The following NRXN3 variants were observed in gnomAD, a reference collection of about 807,000 sequenced individuals.
NRXN3 encodes neurexin 3.
Under a neutral mutation model 137.6 loss-of-function variants are expected in NRXN3, and 32 were observed. The observed-to-expected ratio is 0.23, with a 90% CI of 0.18 to 0.31. NRXN3 has a LOEUF of 0.31. Ranked by LOEUF, NRXN3 falls within the 10% of genes least tolerant of loss-of-function variation. The pLI, the probability that NRXN3 is intolerant of heterozygous loss-of-function variation, is 1.00. For missense variants in NRXN3, 1,574 were observed against 2,062.5 expected (o/e 0.76, Z 4.59); for synonymous variants, 798 against 784.5 (o/e 1.02, Z -0.29).
intron 16 of NRXN3, among the ~76,000 whole-genome samples, chr14:79,623,617 A>G (rs2098248330): frequency 6.6e-6 from 1 of 152,236 alleles, no homozygotes. Context: ...GCAACTTTAC[A>G]TATTTTCCAG....
At chr14:78,632,076 T>C (rs925983272) in intron 4 of NRXN3, among the ~76,000 whole-genome samples, 1 of 146,900 alleles carries the variant, frequency 6.8e-6, no homozygotes. Flanking sequence ...ATCGCGCCAC[T>C]GCACTCCAGC....
At chr14:78,529,794 A>G (rs1311682378) in intron 4 of NRXN3, among the ~76,000 whole-genome samples, 2 of 152,154 alleles carry the variant, frequency 1.3e-5, no homozygotes, top group Non-Finnish European at 2.9e-5. Flanking sequence ...ATGCTGGGCC[A>G]TCTCATCCCC....
intron 19 of NRXN3, among the ~76,000 whole-genome samples, chr14:79,772,702 AG>A (rs1025380281): frequency 2.0e-5 from 3 of 152,190 alleles, no homozygotes; most frequent in African/African-American, 7.2e-5. Flanking sequence ...ATTACCATTC[AG>A]GACATAGGCA....
At chr14:78,588,863 A>G (rs1296253788) in intron 4 of NRXN3, among the ~76,000 whole-genome samples, 1 of 152,236 alleles carries the variant, frequency 6.6e-6, no homozygotes, top group Non-Finnish European at 1.5e-5. Flanking sequence ...AGTGTATCAA[A>G]TCAACACAAA....
At chr14:78,668,481 T>A (rs183274247) in intron 6 of NRXN3, among the ~76,000 whole-genome samples, 10 of 152,308 alleles carry the variant, frequency 6.6e-5, no homozygotes, top group African/African-American at 2.4e-4. Flanking sequence ...ATCTGGAGAC[T>A]CTTTTAGTTG....
intron 16 of NRXN3, among the ~76,000 whole-genome samples, chr14:79,599,963 C>G (rs1233252263): frequency 6.6e-6 from 1 of 151,952 alleles, no homozygotes; most frequent in Non-Finnish European, 1.5e-5. Context: ...TCACTGCACT[C>G]CAGCCTAGGC....
intron 4 of NRXN3, among the ~76,000 whole-genome samples, chr14:78,594,918 T>C (rs780983687): frequency 1.3e-5 from 2 of 152,204 alleles, no homozygotes; most frequent in Non-Finnish European, 2.9e-5. Context: ...ACTCCACATC[T>C]TTGAGTTAAT....
At chr14:78,171,745 AAAT>A (rs2058744575) in intron 1 of NRXN3, among the ~76,000 whole-genome samples, 1 of 151,992 alleles carries the variant, frequency 6.6e-6, no homozygotes, top group Non-Finnish European at 1.5e-5. Context: ...TGTTAAAAAA[AAAT>A]AAAATTTTCC....
chr14:78,433,936 C>T (rs1387560329), intron 4 of NRXN3, among the ~76,000 whole-genome samples: 1 of 152,120 alleles, frequency 6.6e-6, no homozygotes, highest in African/African-American at 2.4e-5. Context: ...GATGTCCTGA[C>T]AAACCCATGG....
intron 10 of NRXN3, among the ~76,000 whole-genome samples, chr14:78,897,190 G>A (rs1567641555): frequency 6.6e-6 from 1 of 151,808 alleles, no homozygotes; most frequent in African/African-American, 2.4e-5. Context: ...GTTTCATAAA[G>A]TGTTTGTTTG....
At chr14:79,706,830 T>C (rs1022535542) in intron 19 of NRXN3, among the ~76,000 whole-genome samples, 4 of 152,190 alleles carry the variant, frequency 2.6e-5, no homozygotes, top group African/African-American at 9.6e-5. Flanking sequence ...CCCCTGAACA[T>C]CTGCTTCTTA....
chr14:78,659,617 C>T (rs999540186), intron 6 of NRXN3, among the ~76,000 whole-genome samples: 10 of 151,012 alleles, frequency 6.6e-5, no homozygotes, highest in Non-Finnish European at 1.5e-4. Context: ...GAGGTTGAGG[C>T]TGCAGTGAGC....
At chr14:79,830,809 AG>A (rs1466355054) in intron 20 of NRXN3, among the ~76,000 whole-genome samples, 3 of 152,206 alleles carry the variant, frequency 2.0e-5, no homozygotes, top group Non-Finnish European at 4.4e-5. Flanking sequence ...GACTCCATCA[AG>A]GCAGACTTGT....
At chr14:79,091,075 TA>T (rs5809922) in intron 15 of NRXN3, among the ~76,000 whole-genome samples, 81,434 of 143,890 alleles carry the variant, frequency 0.57, 23,357 homozygotes, top group East Asian at 0.81. Context: ...TTTGTCTCAG[TA>T]AAAAAAAAAA....
intron 10 of NRXN3, among the ~76,000 whole-genome samples, chr14:78,947,562 C>G (rs187742973): frequency 2.0e-5 from 3 of 152,282 alleles, no homozygotes; most frequent in African/African-American, 7.2e-5. Flanking sequence ...TAAGAATGAT[C>G]GTAACCTCAT....
intron 16 of NRXN3, among the ~76,000 whole-genome samples, chr14:79,564,118 A>G (rs1240203493): frequency 6.6e-6 from 1 of 152,054 alleles, no homozygotes; most frequent in Non-Finnish European, 1.5e-5. Flanking sequence ...TTACATGTGT[A>G]AGTGTATTGA....
At chr14:78,441,163 A>G (rs933854119) in intron 4 of NRXN3, among the ~76,000 whole-genome samples, 4 of 152,142 alleles carry the variant, frequency 2.6e-5, no homozygotes, top group Non-Finnish European at 4.4e-5. Flanking sequence ...CATGCAGTGG[A>G]GTGGAATCAT....
chr14:78,910,453 TAAC>T (rs2099233884), intron 10 of NRXN3, among the ~76,000 whole-genome samples: 1 of 152,140 alleles, frequency 6.6e-6, no homozygotes, highest in Non-Finnish European at 1.5e-5. Flanking sequence ...GTTGCTATTT[TAAC>T]AACCAAATCA....
At chr14:79,798,578 C>T (rs2099167732) in intron 19 of NRXN3, among the ~76,000 whole-genome samples, 1 of 152,128 alleles carries the variant, frequency 6.6e-6, no homozygotes, top group South Asian at 2.1e-4. Flanking sequence ...TTTATAATTT[C>T]ATAAAGCTGT....
Sources: gnomAD v4.1 joint callset for allele counts (sites outside exome capture counted in the v4.1 genomes callset) on GRCh38, gnomAD v4.1.1 for gene constraint, MANE v1.5 for transcripts, NCBI Gene and HGNC (gene_info 2026-07-23, HGNC 2026-07-21) for gene names.